PAN3: variants seen among roughly 807,000 people sequenced by gnomAD.
PAN3 encodes poly(A) specific ribonuclease subunit PAN3.
In PAN3, 19 loss-of-function variants were observed where a neutral mutation model predicts 96.2. The ratio of observed to expected loss-of-function variants is 0.20; its 90% confidence interval spans 0.14 to 0.29. The LOEUF is 0.29. Among genes scored for constraint, PAN3 ranks in the 10% least tolerant of loss-of-function variants. PAN3 has a pLI of 1.00. For missense variants in PAN3, 882 were observed against 1,108.1 expected (o/e 0.80, Z 2.90); for synonymous variants, 433 against 406.6 (o/e 1.06, Z -0.78).
chr13:28,224,475 G>C (rs937845483), intron 6 of PAN3, among the ~76,000 whole-genome samples: 3 of 152,220 alleles, frequency 2.0e-5, no homozygotes, highest in African/African-American at 7.2e-5. Context: ...AGGAGGGGCA[G>C]AGATGAGTTC....
chr13:28,256,295 T>A lies in PAN3; in HGVS notation c.1004T>A (p.Met335Lys). The change falls in exon 7 of 19, where the codon ATG (methionine) becomes AAG (lysine). Residue 335 changes from methionine to lysine, a missense_variant. Coordinates refer to ENST00000380958, the MANE Select transcript of PAN3 (RefSeq NM_175854.8). ...AACATTTTTACATCTTCTTCAGGAA[T>A]GTCGTTGTCTGCTGGGTCTTCCCCT... Reference protein sequence around the residue: ...SPATAGLAPGMSLSAGSSPLH... With the variant: ...SPATAGLAPGKSLSAGSSPLH... 6.2e-7 allele frequency: 1 copy of A among 1,611,716 alleles called. No individual in the cohort carries two copies. Among genetic ancestry groups the A allele is most frequent in the Non-Finnish European group, 8.5e-7 (1 of 1,178,826 alleles).
intron 6 of PAN3, among the ~76,000 whole-genome samples, chr13:28,248,353 G>C (rs905964813): frequency 6.6e-6 from 1 of 151,926 alleles, no homozygotes; most frequent in African/African-American, 2.4e-5. Context: ...ATAATATCAC[G>C]TTGCCTACAA....
intron 1 of PAN3, among the ~76,000 whole-genome samples, chr13:28,147,646 G>A (rs1593356330): frequency 1.3e-5 from 2 of 152,156 alleles, no homozygotes; most frequent in Non-Finnish European, 2.9e-5. Context: ...GCAACTTTGT[G>A]ACATAGTATG....
intron 3 of PAN3, 118 bp downstream of exon 3, chr13:28,176,677 A>T: frequency 1.0e-6 from 1 of 993,996 alleles, no homozygotes; most frequent in Non-Finnish European, 1.5e-6. Context: ...AAGAAAATAA[A>T]AATTATTATC....
chr13:28,183,681 G>A (rs1408057116), intron 4 of PAN3, among the ~76,000 whole-genome samples: 1 of 152,198 alleles, frequency 6.6e-6, no homozygotes, highest in Non-Finnish European at 1.5e-5. Flanking sequence ...GGCAGTGTTG[G>A]ATAGTGGTTA....
At chr13:28,269,886 A>G (rs1886467691) in intron 12 of PAN3, among the ~76,000 whole-genome samples, 1 of 152,172 alleles carries the variant, frequency 6.6e-6, no homozygotes, top group Non-Finnish European at 1.5e-5. Context: ...CCATTTAATT[A>G]TGTTGCTTTT....
At chr13:28,244,262 T>G (rs1179810517) in intron 6 of PAN3, among the ~76,000 whole-genome samples, 1 of 152,194 alleles carries the variant, frequency 6.6e-6, no homozygotes, top group Admixed American at 6.5e-5. Context: ...AACATTTTAT[T>G]TTTTGACCTT....
chr13:28,207,283 GAA>G (rs1471556699), intron 5 of PAN3, among the ~76,000 whole-genome samples: 2 of 152,206 alleles, frequency 1.3e-5, no homozygotes, highest in Non-Finnish European at 2.9e-5. Flanking sequence ...TTGCTGGTTT[GAA>G]ATTATTTTTA....
intron 18 of PAN3, 23 bp from the exon 19 acceptor site, chr13:28,292,359 A>G (rs772108170): frequency 6.5e-7 from 1 of 1,534,956 alleles, no homozygotes. Flanking sequence ...TGAATTTCAT[A>G]TTTTGTGTAT....
intron 5 of PAN3, among the ~76,000 whole-genome samples, chr13:28,212,490 T>C (rs531120006): frequency 7.2e-5 from 11 of 152,254 alleles, no homozygotes; most frequent in African/African-American, 2.4e-4. Flanking sequence ...AGGAGGAAAG[T>C]AAGACCCATA....
chr13:28,279,471 C>T (rs975394004), intron 15 of PAN3, among the ~76,000 whole-genome samples: 1 of 152,044 alleles, frequency 6.6e-6, no homozygotes, highest in Non-Finnish European at 1.5e-5. Context: ...AAAACCTTTT[C>T]TTTTTTGGCC....
chr13:28,177,714 C>A, intron 3 of PAN3, 151 bp from the exon 4 acceptor site: 2 of 639,570 alleles, frequency 3.1e-6, no homozygotes, highest in Non-Finnish European at 5.4e-6. Context: ...GTTTTATTTG[C>A]TCAGAAAATA....
At chr13:28,216,555 A>C (rs1174685378) in intron 5 of PAN3, among the ~76,000 whole-genome samples, 1 of 152,214 alleles carries the variant, frequency 6.6e-6, no homozygotes, top group Non-Finnish European at 1.5e-5. Flanking sequence ...GGATGGAAAG[A>C]TTACTGATAC....
chr13:28,176,361 G>A (rs1874990098), intron 2 of PAN3, 132 bp from the exon 3 acceptor site: 1 of 811,706 alleles, frequency 1.2e-6, no homozygotes, highest in Non-Finnish European at 2.0e-6. Context: ...AACACTTACA[G>A]GAAGATTAGA....
In PAN3 at chr13:28,201,201, AT is replaced by A. The variant is rs751544386; in HGVS notation, c.852+3870del. On this transcript the variant is annotated intron_variant, in intron 5 of 18. Transcript: ENST00000380958. ...AGGCACATATCACTGCACCCACCTA[AT>A]TTTTTTTTTTTTTTCACTTTTTGTA... is the stretch of plus-strand genomic sequence containing the variant. 5.7e-3 allele frequency among the ~76,000 whole-genome samples: 764 copies of A among 133,790 alleles called. 1 individual carries two copies. Among genetic ancestry groups the A allele is most frequent in the Middle Eastern group, 0.012 (3 of 248 alleles). The allele number at this position is 133,790 out of a possible 152,430, so 87.8% of individuals were successfully genotyped here. A position where few individuals can be genotyped will look rare whatever the true frequency, so the allele number is the denominator to read the frequency against.
chr13:28,290,162 C>T (rs974338896), intron 18 of PAN3, among the ~76,000 whole-genome samples: 7 of 152,128 alleles, frequency 4.6e-5, no homozygotes, highest in Admixed American at 3.9e-4. Context: ...AAACATTTAC[C>T]GTCTGACCCT....
At chr13:28,160,486 TCA>T (rs1348163081) in intron 1 of PAN3, among the ~76,000 whole-genome samples, 1 of 152,168 alleles carries the variant, frequency 6.6e-6, no homozygotes, top group African/African-American at 2.4e-5. Flanking sequence ...AAAGTACTTG[TCA>T]CATGTCTTAG....
chr13:28,290,008 G>C lies in PAN3; in HGVS notation c.2523+1886G>C, dbSNP rs550258587. ...GTCTCCAGGAGTAAATGTAGTCTCT[G>C]TATAGGTTTATGTATAAACCAGGAG... is the stretch of plus-strand genomic sequence containing the variant. On this transcript the variant is annotated intron_variant, in intron 18 of 18. Transcript: ENST00000380958. 4.6e-5 allele frequency among the ~76,000 whole-genome samples: 7 copies of C among 152,360 alleles called. No homozygotes were observed. In the East Asian group the frequency reaches 5.8e-4, roughly 13 times the overall value.
At chr13:28,198,289 C>CA (rs539191279) in intron 5 of PAN3, among the ~76,000 whole-genome samples, 17,023 of 124,100 alleles carry the variant, frequency 0.14, 1,435 homozygotes, top group African/African-American at 0.28. Context: ...GATTCTGTCT[C>CA]AAAAAAAAAA....
Sources: allele counts gnomAD v4.1 joint callset (sites outside exome capture counted in the v4.1 genomes callset), GRCh38; gene constraint gnomAD v4.1.1; transcripts MANE v1.5; gene names NCBI Gene and HGNC (gene_info 2026-07-23, HGNC 2026-07-21).